The following HS2ST1 variants were observed in gnomAD, a reference collection of about 807,000 sequenced individuals.
The protein encoded by HS2ST1 is heparan sulfate 2-O-sulfotransferase 1.
In HS2ST1, 18 loss-of-function variants were observed where a neutral mutation model predicts 42.9. The observed-to-expected ratio is 0.42, with a 90% CI of 0.29 to 0.62. The LOEUF (loss-of-function observed/expected upper bound fraction) is 0.62. HS2ST1 is among the 20% of genes least tolerant of loss of function. The probability of loss-of-function intolerance (pLI) is 0.21; values close to 1 mark genes in which losing one functional copy is unlikely to be tolerated. For synonymous variants in HS2ST1, 146 were observed against 152.9 expected (o/e 0.95, Z 0.33); for missense variants, 334 against 433.8 (o/e 0.77, Z 2.04).
At chr1:87,031,483 A>G (rs1650236842) in intron 1 of HS2ST1, among the ~76,000 whole-genome samples, 2 of 152,154 alleles carry the variant, frequency 1.3e-5, no homozygotes, top group Non-Finnish European at 2.9e-5. Context: ...CCAATATACC[A>G]ACTGTTTATT....
intron 1 of HS2ST1, among the ~76,000 whole-genome samples, chr1:86,975,805 T>C (rs1169624598): frequency 1.3e-5 from 2 of 152,244 alleles, no homozygotes; most frequent in Non-Finnish European, 2.9e-5. Context: ...TTTATAAATT[T>C]TGTTCTCTGG....
At chr1:86,949,213 AT>A (rs1000384972) in intron 1 of HS2ST1, among the ~76,000 whole-genome samples, 1 of 152,036 alleles carries the variant, frequency 6.6e-6, no homozygotes, top group Admixed American at 6.5e-5. Flanking sequence ...GGTTCAAGTG[AT>A]TCTCTCACCT....
chr1:87,052,261 T>A (rs58567875), intron 1 of HS2ST1, among the ~76,000 whole-genome samples: 6,713 of 115,884 alleles, frequency 0.058, 467 homozygotes, highest in African/African-American at 0.21. Flanking sequence ...TCAAAAAAAA[T>A]TTTTTTTTAA....
intron 1 of HS2ST1, among the ~76,000 whole-genome samples, chr1:86,985,613 A>T (rs1422159224): frequency 6.6e-6 from 1 of 151,212 alleles, no homozygotes; most frequent in Non-Finnish European, 1.5e-5. Flanking sequence ...CATTTAAAAT[A>T]GATTTTTGGA....
chr1:86,988,038 C>G (rs1311269954), intron 1 of HS2ST1, among the ~76,000 whole-genome samples: 1 of 152,204 alleles, frequency 6.6e-6, no homozygotes, highest in Non-Finnish European at 1.5e-5. Flanking sequence ...GCTGGTCTCT[C>G]TCACCTCAGC....
chr1:87,038,097 T>C (rs1348209240), intron 1 of HS2ST1, among the ~76,000 whole-genome samples: 1 of 152,082 alleles, frequency 6.6e-6, no homozygotes, highest in Non-Finnish European at 1.5e-5. Context: ...CTTAATATTA[T>C]AGTTTTTAAA....
intron 5 of HS2ST1, among the ~76,000 whole-genome samples, chr1:87,102,851 TA>T (rs780672697): frequency 1.1e-4 from 16 of 152,202 alleles, no homozygotes; most frequent in Non-Finnish European, 1.8e-4. Context: ...GAATTTGGAT[TA>T]AGGAATATTT....
At chr1:86,963,793 C>T (rs1227569092) in intron 1 of HS2ST1, among the ~76,000 whole-genome samples, 3 of 137,908 alleles carry the variant, frequency 2.2e-5, no homozygotes, top group Admixed American at 6.9e-5. Flanking sequence ...TGGGGGCTGG[C>T]CCCCACCTCC....
intron 1 of HS2ST1, among the ~76,000 whole-genome samples, chr1:87,049,376 T>C (rs1327220059): frequency 6.6e-6 from 1 of 152,056 alleles, no homozygotes; most frequent in Non-Finnish European, 1.5e-5. Context: ...AGGTCACTGG[T>C]GTTAGAACTG....
At chr1:86,971,243 T>G (rs1481177364) in intron 1 of HS2ST1, among the ~76,000 whole-genome samples, 2 of 152,152 alleles carry the variant, frequency 1.3e-5, no homozygotes, top group East Asian at 3.8e-4. Context: ...TATACATTAG[T>G]GCTGTTAAGG....
At chr1:87,001,176 CAGG>C (rs1334270929) in intron 1 of HS2ST1, among the ~76,000 whole-genome samples, 1 of 152,094 alleles carries the variant, frequency 6.6e-6, no homozygotes, top group Non-Finnish European at 1.5e-5. Flanking sequence ...TGGAGATAAT[CAGG>C]AGAAGAGAGG....
intron 1 of HS2ST1, among the ~76,000 whole-genome samples, chr1:86,916,345 G>A (rs1660158264): frequency 6.6e-6 from 1 of 152,192 alleles, no homozygotes; most frequent in Non-Finnish European, 1.5e-5. Context: ...AAAACCCTCA[G>A]CAGTGTAATT....
chr1:87,089,492 A>C (rs962250862), intron 3 of HS2ST1, among the ~76,000 whole-genome samples: 20 of 152,022 alleles, frequency 1.3e-4, no homozygotes, highest in African/African-American at 4.8e-4. Context: ...GACCAGAGTT[A>C]AAGGTGAGGT....
chr1:86,917,350 C>G (rs1015864501), intron 1 of HS2ST1, among the ~76,000 whole-genome samples: 1 of 152,166 alleles, frequency 6.6e-6, no homozygotes, highest in African/African-American at 2.4e-5. Flanking sequence ...GAAACCCTAT[C>G]TCTACTAAAA....
At chr1:87,079,879 A>ATTT in intron 2 of HS2ST1, among the ~76,000 whole-genome samples, 1 of 146,728 alleles carries the variant, frequency 6.8e-6, no homozygotes, top group African/African-American at 2.5e-5. Context: ...AAAAAAAAAA[A>ATTT]TTTTTTTTTT....
At chr1:86,986,107 TTTATC>T (rs1317393180) in intron 1 of HS2ST1, among the ~76,000 whole-genome samples, 2 of 151,804 alleles carry the variant, frequency 1.3e-5, no homozygotes, top group Non-Finnish European at 2.9e-5. Context: ...TCAGGATTAT[TTTATC>T]TGCTGTATTT....
chr1:86,939,831 C>A (rs937263570), intron 1 of HS2ST1, among the ~76,000 whole-genome samples: 1 of 152,182 alleles, frequency 6.6e-6, no homozygotes, highest in Admixed American at 6.5e-5. Flanking sequence ...GTTAATAATA[C>A]TACACATATT....
chr1:87,075,539 A>G (rs1651519489), intron 2 of HS2ST1, among the ~76,000 whole-genome samples: 1 of 152,206 alleles, frequency 6.6e-6, no homozygotes, highest in South Asian at 2.1e-4. Flanking sequence ...GTACAACTTA[A>G]AAGATGAGAT....
chr1:86,979,545 A>G (rs1019241558), intron 1 of HS2ST1, among the ~76,000 whole-genome samples: 1 of 152,170 alleles, frequency 6.6e-6, no homozygotes, highest in African/African-American at 2.4e-5. Flanking sequence ...GTGGAATTTC[A>G]TTTTTAAGGC....
Sources: gnomAD v4.1 joint callset for allele counts (sites outside exome capture counted in the v4.1 genomes callset) on GRCh38, gnomAD v4.1.1 for gene constraint, MANE v1.5 for transcripts, NCBI Gene and HGNC (gene_info 2026-07-23, HGNC 2026-07-21) for gene names.